AMOTL1: variants seen among roughly 807,000 people sequenced by gnomAD.
AMOTL1 encodes angiomotin-like protein 1.
In AMOTL1, 45 loss-of-function variants were observed where a neutral mutation model predicts 102.9. The ratio of observed to expected loss-of-function variants is 0.44; its 90% CI spans 0.34 to 0.56. The LOEUF (loss-of-function observed/expected upper bound fraction) is 0.56. Among genes scored for constraint, AMOTL1 ranks in the 20% least tolerant of loss-of-function variants. AMOTL1 has a pLI of 0.01. For synonymous variants in AMOTL1, 481 were observed against 484.7 expected, an observed-to-expected ratio of 0.99 and a Z score of 0.10; for missense variants, 1,114 against 1,225.6, an observed-to-expected ratio of 0.91 and a Z score of 1.36.
intron 6 of AMOTL1, among the ~76,000 whole-genome samples, chr11:94,834,868 C>T (rs777715781): frequency 1.1e-4 from 17 of 152,136 alleles, no homozygotes; most frequent in Non-Finnish European, 2.1e-4. Flanking sequence ...AAACATTTCC[C>T]TCTGCTCAGG....
intron 8 of AMOTL1, among the ~76,000 whole-genome samples, chr11:94,857,420 G>T (rs993552708): frequency 6.6e-6 from 1 of 152,170 alleles, no homozygotes; most frequent in Admixed American, 6.5e-5. Flanking sequence ...GGGGTGGAGA[G>T]AGAAAGATAG....
At chr11:94,749,740 G>A (rs1294863101) in intron 3 of AMOTL1, among the ~76,000 whole-genome samples, 1 of 152,198 alleles carries the variant, frequency 6.6e-6, no homozygotes, top group East Asian at 1.9e-4. Context: ...CGCAGCCCAT[G>A]GTGGTGAGGA....
intron 4 of AMOTL1, among the ~76,000 whole-genome samples, chr11:94,823,882 A>ATT (rs55834505): frequency 1.8e-4 from 26 of 147,660 alleles, no homozygotes; most frequent in Admixed American, 4.7e-4. Context: ...CACCTGGCTA[A>ATT]TTTTTTTTTT....
Position 94,874,957 on chromosome 11 carries a change from T to C in AMOTL1, c.*4162T>C, listed in dbSNP as rs565644761. 6.6e-6 allele frequency: 1 copy of C among 152,304 alleles called. No individual in the cohort carries two copies. The highest frequency in any genetic ancestry group is 2.1e-4 in the South Asian group (1 of 4,830). 9.4% of individuals were successfully genotyped at this position (152,304 alleles called of 1,614,324 possible). On this transcript the variant is annotated 3_prime_UTR_variant, in exon 13 of 13. Coordinates refer to ENST00000433060, the MANE Select transcript of AMOTL1 (RefSeq NM_130847.3). The stretch of plus-strand genomic sequence containing the variant: ...CTGTGTTCTCTGAATGATCTTGCAC[T>C]CCTCTTAAGCAAAGGAGTACCATGA...
chr11:94,733,269 T>C (rs978561161), intron 2 of AMOTL1, among the ~76,000 whole-genome samples: 1 of 152,262 alleles, frequency 6.6e-6, no homozygotes, highest in African/African-American at 2.4e-5. Context: ...TGTCTATTTT[T>C]CTTGCGTACT....
At chr11:94,744,609 G>A (rs185988593) in intron 3 of AMOTL1, among the ~76,000 whole-genome samples, 4 of 152,260 alleles carry the variant, frequency 2.6e-5, no homozygotes, top group African/African-American at 4.8e-5. Flanking sequence ...AGAATAGGTC[G>A]GTGGGCTGGA....
At chr11:94,854,446 G>A (rs1952617524) in intron 8 of AMOTL1, among the ~76,000 whole-genome samples, 2 of 152,218 alleles carry the variant, frequency 1.3e-5, no homozygotes, top group South Asian at 2.1e-4. Context: ...ACAGGGCCCT[G>A]AAACGACATA....
intron 8 of AMOTL1, among the ~76,000 whole-genome samples, chr11:94,857,225 T>C (rs1420283518): frequency 6.6e-6 from 1 of 152,262 alleles, no homozygotes; most frequent in Admixed American, 6.5e-5. Context: ...CTTTTTGGAA[T>C]GCCTTGCACT....
chr11:94,860,773 T>A (rs1312352858), intron 9 of AMOTL1, among the ~76,000 whole-genome samples: 3 of 152,192 alleles, frequency 2.0e-5, no homozygotes, highest in Non-Finnish European at 4.4e-5. Context: ...ATAAGGGCTA[T>A]GGTACTATTT....
rs780121938 is a variant in AMOTL1 at position 94,864,860 on chromosome 11, C to A, written c.2261C>A (p.Thr754Asn). 7.4e-6 allele frequency: 12 copies of A among 1,612,288 alleles called. No homozygotes were observed. Among genetic ancestry groups the A allele is most frequent in the Non-Finnish European group, 1.0e-5 (12 of 1,179,010 alleles). Residue 754 changes from threonine to asparagine, a missense_variant and splice_region_variant, in exon 10 of 13, where the codon ACT becomes AAT. Physicochemically the swap from Thr to Asn is moderately conservative, Grantham distance 65. Transcript: ENST00000433060. ...ANRRCQDMEY[T>N]IKNLHAKIIE... is the part of the protein sequence containing the mutation. ...AGAAGGTGTCAGGACATGGAATACA[C>A]GTAAGGGACGACTATGTGTGACGTG...
chr11:94,800,092 G>T lies in AMOTL1; in HGVS notation c.902G>T (p.Gly301Val). The T allele has an allele frequency of 6.2e-7, 1 of 1,613,938 alleles. No homozygotes were observed. The highest frequency in any genetic ancestry group is 2.2e-5 in the East Asian group (1 of 44,880). The part of the protein sequence containing the change: ...GGGPSPAQPA[G>V]KVLDPRGPPP... ...GGGCCCTCCCCTGCCCAGCCTGCAG[G>T]TAAAGTGCTGGACCCTCGGGGTCCT... Residue 301 changes from glycine to valine, a missense_variant, in exon 3 of 13, where the codon GGT (glycine) becomes GTT (valine). Physicochemically the swap from Gly to Val is moderately radical, Grantham distance 109. Coordinates refer to ENST00000433060, the MANE Select transcript of AMOTL1 (RefSeq NM_130847.3).
chr11:94,771,818 T>C (rs1009634867), intron 1 of AMOTL1, among the ~76,000 whole-genome samples: 5 of 152,108 alleles, frequency 3.3e-5, no homozygotes, highest in Admixed American at 6.6e-5. Context: ...TCAGGCATTT[T>C]CCCCCCATCT....
At chr11:94,810,033 C>A (rs1458546115) in intron 3 of AMOTL1, among the ~76,000 whole-genome samples, 1 of 152,050 alleles carries the variant, frequency 6.6e-6, no homozygotes, top group Admixed American at 6.6e-5. Flanking sequence ...TTTTAGACTT[C>A]CAATTTCTTG....
At chr11:94,743,210 G>T (rs986208234) in intron 3 of AMOTL1, among the ~76,000 whole-genome samples, 2 of 152,164 alleles carry the variant, frequency 1.3e-5, no homozygotes, top group African/African-American at 4.8e-5. Flanking sequence ...TGCAAAAAGC[G>T]GGGGTTGTGC....
chr11:94,869,167 GA>G (rs746784655), intron 11 of AMOTL1, 30 bp from the exon 12 acceptor site: 1 of 1,517,338 alleles, frequency 6.6e-7, no homozygotes, highest in Non-Finnish European at 8.8e-7. Flanking sequence ...AGGAAAAAAA[GA>G]ATGTTGAAAA....
rs1176450158 is a variant in AMOTL1, at chr11:94,872,523, A to C, written c.*1728A>C. On this transcript the variant is annotated 3_prime_UTR_variant, in exon 13 of 13. Coordinates refer to ENST00000433060, the MANE Select transcript of AMOTL1 (RefSeq NM_130847.3). ...ACCCCGGTGAAGTTATAGCCTCCCC[A>C]AATTGAGGTGACAGAAGGAAGACAA... The C allele has an allele frequency of 6.6e-6, 1 of 152,484 alleles. No homozygotes were observed. The highest frequency in any genetic ancestry group is 6.5e-5 in the Admixed American group (1 of 15,288). 9.4% of individuals were successfully genotyped at this position (152,484 alleles called of 1,614,324 possible). A position where few individuals can be genotyped will look rare whatever the true frequency, so the allele number is the denominator to read the frequency against.
chr11:94,717,361 C>T (rs1453865319), intron 1 of AMOTL1, among the ~76,000 whole-genome samples: 2 of 147,414 alleles, frequency 1.4e-5, no homozygotes, highest in African/African-American at 5.0e-5. Flanking sequence ...TCTAGTCATA[C>T]TAGATAATTA....
chr11:94,801,095 G>A lies in AMOTL1; in HGVS notation c.1121+784G>A, dbSNP rs566147983. 2.0e-3 allele frequency among the ~76,000 whole-genome samples: 302 copies of A among 152,304 alleles called. 2 individuals carry two copies. Among genetic ancestry groups the A allele is most frequent in the African/African-American group, 7.1e-3 (295 of 41,558 alleles). ...TGCTGTTCTAGGAGAGAAATGGGCC[G>A]AGGATGCTAGGGTAACAGGTAGGAT... On this transcript the variant is annotated intron_variant, in intron 3 of 12. Transcript: ENST00000433060.
At chr11:94,837,043 C>G (rs1486219) in intron 6 of AMOTL1, among the ~76,000 whole-genome samples, 36,371 of 152,016 alleles carry the variant, frequency 0.24, 4,905 homozygotes, top group Admixed American at 0.43. Context: ...TCCAAGAAGC[C>G]TGCCAGGGTG....
Sources: gnomAD v4.1 joint callset for allele counts (sites outside exome capture counted in the v4.1 genomes callset) on GRCh38, gnomAD v4.1.1 for gene constraint, MANE v1.5 for transcripts, NCBI Gene and HGNC (gene_info 2026-07-23, HGNC 2026-07-21) for gene names.